Variants in TAF4 observed in about 807,000 individuals in gnomAD.
TAF4 encodes TATA-box binding protein associated factor 4, also known as transcription initiation factor TFIID subunit 4.
Under a neutral mutation model 90.3 loss-of-function variants are expected in TAF4, and 9 were observed. The ratio of observed to expected loss-of-function variants is 0.10; its 90% CI spans 0.06 to 0.17. The LOEUF is 0.17. Among genes scored for constraint, TAF4 ranks in the 10% least tolerant of loss-of-function variants. The probability of loss-of-function intolerance (pLI) is 1.00; values close to 1 mark genes in which losing one functional copy is unlikely to be tolerated. For missense variants in TAF4, 1,351 were observed against 1,370.7 expected, an observed-to-expected ratio of 0.99 and a Z score of 0.23; for synonymous variants, 818 against 638.9, an observed-to-expected ratio of 1.28 and a Z score of -4.23.
At chr20:62,014,856 A>G in intron 1 of TAF4, 149 bp from the exon 2 acceptor site, 4 of 1,080,966 alleles carry the variant, frequency 3.7e-6, no homozygotes, top group Non-Finnish European at 5.2e-6. Flanking sequence ...CTCAAAACAC[A>G]CTTGTGAGTC....
intron 1 of TAF4, among the ~76,000 whole-genome samples, chr20:62,062,871 G>A (rs899769946): frequency 6.6e-6 from 1 of 152,292 alleles, no homozygotes; most frequent in Non-Finnish European, 1.5e-5. Context: ...ACCCAAAGGG[G>A]TGCAACAGGC....
At chr20:62,064,241 G>A (rs2056107691) in intron 1 of TAF4, 2 of 468,132 alleles carry the variant, frequency 4.3e-6, no homozygotes, top group South Asian at 8.3e-5. Context: ...ACAGCGACAG[G>A]GACGCAGGCT....
At position 62,064,706 on chromosome 20, in the gene TAF4, TGCTGGCCGGGCC is replaced by T. The variant is rs1220304689; in HGVS notation, c.1093_1104del (p.Gly365_Ser368del). On this transcript the variant is annotated inframe_deletion, in exon 1 of 15. Coordinates refer to ENST00000252996, the MANE Select transcript of TAF4 (RefSeq NM_003185.4). Reference sequence around the variant, plus strand: ...GGCCCGATGACCATGCTGGCCGCCGTGCTGGCCGGGCCGCTGGCCGCCAGGGTCTGCGCCGCC... The same window carrying T: ...GGCCCGATGACCATGCTGGCCGCCGTGCTGGCCGCCAGGGTCTGCGCCGCC... 4 of 1,240,188 alleles carry T rather than the reference TGCTGGCCGGGCC, an allele frequency of 3.2e-6. No individual in the cohort carries two copies. The highest frequency in any genetic ancestry group is 2.9e-5 in the South Asian group (1 of 34,160). 76.8% of individuals were successfully genotyped at this position (1,240,188 alleles called of 1,614,324 possible).
rs145772232 is a variant in TAF4 at position 62,029,861 on chromosome 20, G to A, written c.1361-15154C>T. Among the ~76,000 whole-genome samples the A allele has an allele frequency of 4.2e-3, 647 of 152,258 alleles. 5 individuals are homozygous for A. The highest frequency in any genetic ancestry group is 0.014 in the African/African-American group (588 of 41,542). On this transcript the variant is annotated intron_variant, in intron 1 of 14. Transcript: ENST00000252996. ...TCGGAGCTTGCGGTGAGCCGAGATC[G>A]CGCCACTGCACTCCAGCCTGGTGAC... is the stretch of plus-strand genomic sequence containing the variant.
chr20:62,038,017 ATTTT>A (rs1362864400), intron 1 of TAF4: 1 of 130,090 alleles, frequency 7.7e-6, no homozygotes, highest in Non-Finnish European at 1.6e-5. Context: ...TTTAAAAGCA[ATTTT>A]TTTGTTGTTT....
At chr20:61,992,398 T>C (rs920165038) in intron 14 of TAF4, among the ~76,000 whole-genome samples, 10 of 152,148 alleles carry the variant, frequency 6.6e-5, no homozygotes, top group Non-Finnish European at 1.2e-4. Flanking sequence ...AATTCTATTA[T>C]CTCCTATGTC....
chr20:62,040,511 C>T (rs1030593636), intron 1 of TAF4, among the ~76,000 whole-genome samples: 14 of 152,272 alleles, frequency 9.2e-5, no homozygotes, highest in Non-Finnish European at 1.5e-4. Context: ...AGAATGATTC[C>T]GATCCTGTAC....
intron 14 of TAF4, among the ~76,000 whole-genome samples, chr20:61,981,583 G>GT (rs1479132832): frequency 2.0e-5 from 3 of 152,162 alleles, no homozygotes; most frequent in Non-Finnish European, 4.4e-5. Flanking sequence ...TGAAAATGCA[G>GT]TAAGGAACCT....
In TAF4 at chr20:62,042,669, G is replaced by A. The variant is rs529227740; in HGVS notation, c.1360+21782C>T. On this transcript the variant is annotated intron_variant, in intron 1 of 14. Transcript: ENST00000252996. ...ACAGCCCCTGTTGCAAGTACCCAGA[G>A]CGGGTCAGGGAACTCTCCTGTTTCA... 1.1e-4 allele frequency among the ~76,000 whole-genome samples: 17 copies of A among 152,378 alleles called. 1 individual carries two copies. The highest frequency in any genetic ancestry group is 4.1e-4 in the African/African-American group (17 of 41,600).
chr20:61,990,029 C>A (rs1276435552), intron 14 of TAF4, among the ~76,000 whole-genome samples: 3 of 152,102 alleles, frequency 2.0e-5, no homozygotes, highest in Non-Finnish European at 2.9e-5. Context: ...TGGGAATCGG[C>A]CACGACGCTG....
chr20:62,064,483 G>A lies in TAF4; in HGVS notation c.1328C>T (p.Pro443Leu). ...APRLPQPPQN[P>L]TNIQNFQLPP... ...CAGCTGGAAGTTCTGGATGTTGGTC[G>A]GGTTCTGAGGCGGCTGCGGCAAGCG... The change falls in exon 1 of 15, where the codon CCG (proline) becomes CTG (leucine). Residue 443 changes from proline (P) to leucine (L), a missense_variant. Physicochemically the swap from Pro to Leu is moderately conservative, Grantham distance 98. Coordinates refer to ENST00000252996, the MANE Select transcript of TAF4 (RefSeq NM_003185.4). The A allele has an allele frequency of 1.3e-6, 2 of 1,502,492 alleles. No homozygotes were observed. Among genetic ancestry groups the A allele is most frequent in the Non-Finnish European group, 1.8e-6 (2 of 1,125,648 alleles). The allele number at this position is 1,502,492 out of a possible 1,614,324, so 93.1% of individuals were successfully genotyped here. A position where few individuals can be genotyped will look rare whatever the true frequency, so the allele number is the denominator to read the frequency against.
At chr20:62,016,965 AT>A (rs2123154902) in intron 1 of TAF4, among the ~76,000 whole-genome samples, 1 of 152,128 alleles carries the variant, frequency 6.6e-6, no homozygotes, top group Non-Finnish European at 1.5e-5. Flanking sequence ...GTGAGACCCC[AT>A]CTTTGCAAAA....
chr20:61,991,896 G>C (rs556640403), intron 14 of TAF4, among the ~76,000 whole-genome samples: 3 of 152,024 alleles, frequency 2.0e-5, no homozygotes, highest in Non-Finnish European at 4.4e-5. Flanking sequence ...AGAAAAACAC[G>C]TGGCCTACAG....
At chr20:62,003,362 C>A in intron 8 of TAF4, 88 bp from the exon 9 acceptor site, 3 of 1,042,816 alleles carry the variant, frequency 2.9e-6, no homozygotes, top group African/African-American at 1.6e-5. Context: ...AAGGGCACAG[C>A]TACCACTCTC....
At position 62,034,827 on chromosome 20, in the gene TAF4, C is replaced by CTTTTCTTTTTTTTTT. The variant is rs555793597; in HGVS notation, c.1361-20121_1361-20120insAAAAAAAAAAGAAAA. On this transcript the variant is annotated intron_variant, in intron 1 of 14. Coordinates refer to ENST00000252996, the MANE Select transcript of TAF4 (RefSeq NM_003185.4). Reference sequence around the variant, plus strand: ...GATATAGTCACTATCTCATAGATTTCTTTTTTTTTTTGAGATGGAGTCTCG... The same window carrying CTTTTCTTTTTTTTTT: ...GATATAGTCACTATCTCATAGATTTCTTTTCTTTTTTTTTTTTTTTTTTTTTGAGATGGAGTCTCG... Among the ~76,000 whole-genome samples the CTTTTCTTTTTTTTTT allele has an allele frequency of 7.4e-3, 1,053 of 141,748 alleles. 95 individuals carry two copies. The East Asian group carries it at 0.16, about 21-fold the overall frequency. The allele number at this position is 141,748 out of a possible 152,430, so 93.0% of individuals were successfully genotyped here.
At chr20:62,044,084 A>G (rs1443547010) in intron 1 of TAF4, among the ~76,000 whole-genome samples, 1 of 152,200 alleles carries the variant, frequency 6.6e-6, no homozygotes, top group Non-Finnish European at 1.5e-5. Context: ...TGTGCTTATT[A>G]TATGCTTTTT....
chr20:61,999,390 T>C (rs2055684330), intron 11 of TAF4, among the ~76,000 whole-genome samples: 1 of 152,204 alleles, frequency 6.6e-6, no homozygotes, highest in South Asian at 2.1e-4. Context: ...AAAGTAACAT[T>C]TACCTTTTTT....
intron 10 of TAF4, 137 bp from the exon 11 acceptor site, chr20:62,000,391 G>C: frequency 7.1e-7 from 1 of 1,401,218 alleles, no homozygotes; most frequent in East Asian, 2.3e-5. Context: ...GTGGAAGGCA[G>C]TGGTACCCAT....
intron 7 of TAF4, chr20:62,004,645 T>C (rs532375906): frequency 1.3e-5 from 2 of 152,382 alleles, no homozygotes; most frequent in Admixed American, 1.3e-4. Flanking sequence ...GAATTTTCTG[T>C]AAGGCGGCTG....
Sources: gnomAD v4.1 joint callset for allele counts (sites outside exome capture counted in the v4.1 genomes callset) on GRCh38, gnomAD v4.1.1 for gene constraint, MANE v1.5 for transcripts, NCBI Gene and HGNC (gene_info 2026-07-23, HGNC 2026-07-21) for gene names.